FAM76A: variants seen among roughly 807,000 people sequenced by gnomAD.
FAM76A encodes the protein protein FAM76A.
Under a neutral mutation model 46.2 loss-of-function variants are expected in FAM76A, and 32 were observed. The observed-to-expected ratio is 0.69, with a 90% CI of 0.52 to 0.93. The LOEUF (loss-of-function observed/expected upper bound fraction) is 0.93. Ranked by LOEUF, FAM76A falls within the 40% of genes least tolerant of loss-of-function variation. FAM76A has a pLI of 0.00. For missense variants in FAM76A, 274 were observed against 361.5 expected (o/e 0.76, Z 1.96); for synonymous variants, 137 against 127.0 (o/e 1.08, Z -0.53).
intron 8 of FAM76A, 114 bp downstream of exon 8, chr1:27,759,741 C>A: frequency 1.9e-5 from 13 of 679,956 alleles, no homozygotes; most frequent in African/African-American, 6.0e-5. Flanking sequence ...AAAGTATTAA[C>A]AAATCATGTT....
intron 4 of FAM76A, among the ~76,000 whole-genome samples, chr1:27,741,192 G>T (rs1040238119): frequency 1.2e-4 from 16 of 130,698 alleles, no homozygotes; most frequent in East Asian, 7.2e-4. Context: ...TGGGAGATTT[G>T]ATTTTTTTTT....
intron 2 of FAM76A, among the ~76,000 whole-genome samples, chr1:27,731,115 A>C (rs751908376): frequency 6.6e-6 from 1 of 151,482 alleles, no homozygotes; most frequent in Non-Finnish European, 1.5e-5. Flanking sequence ...TAATTCACAC[A>C]TTTAGGTAAT....
At chr1:27,743,706 A>G (rs1441007615) in intron 4 of FAM76A, among the ~76,000 whole-genome samples, 2 of 152,092 alleles carry the variant, frequency 1.3e-5, no homozygotes, top group Non-Finnish European at 2.9e-5. Context: ...TGGAGGTTGC[A>G]GTGAGCTGAG....
intron 2 of FAM76A, chr1:27,730,180 TC>T: frequency 4.9e-6 from 1 of 205,872 alleles, no homozygotes; most frequent in Admixed American, 5.9e-5. Flanking sequence ...CTTTTTCTTT[TC>T]TTTTTTTTTT....
rs910745541 is a variant in FAM76A, at chr1:27,725,968, C to T, written c.-113C>T. 8 of 815,030 alleles carry T rather than the reference C, an allele frequency of 9.8e-6. No individual in the cohort carries two copies. The highest frequency in any genetic ancestry group is 4.5e-5 in the Admixed American group (1 of 22,094). The allele number at this position is 815,030 out of a possible 1,614,324, so 50.5% of individuals were successfully genotyped here. On this transcript the variant is annotated 5_prime_UTR_variant, in exon 1 of 9. Transcript: ENST00000373954. ...CCGGGTCCGCCCCGACCCGCCTGCG[C>T]CCGCCCGCCTGCCGCAGCCAGCAGC... is the stretch of plus-strand genomic sequence containing the variant.
Position 27,734,075 on chromosome 1 carries a change from G to T in FAM76A, c.246G>T (p.Gly82=). Residue 82 remains glycine, a synonymous_variant, in exon 4 of 9, where the codon GGG becomes GGT. Coordinates refer to ENST00000373954, the MANE Select transcript of FAM76A (RefSeq NM_152660.3). Reference sequence around the variant, plus strand: ...GCAACATAATTGCAGCATTTATTGGGAATAAATGCCAGCGCTGCACAAATT... The same window carrying T: ...GCAACATAATTGCAGCATTTATTGGTAATAAATGCCAGCGCTGCACAAATT... ...QYCNIIAAFI[G]NKCQRCTNSE... 1 of 1,612,136 alleles carries T rather than the reference G, an allele frequency of 6.2e-7. No individual in the cohort carries two copies. Among genetic ancestry groups the T allele is most frequent in the Non-Finnish European group, 8.5e-7 (1 of 1,179,478 alleles).
At chr1:27,759,779 G>GGTTTTTTTTTTT in intron 8 of FAM76A, 152 bp downstream of exon 8, 2 of 359,618 alleles carry the variant, frequency 5.6e-6, no homozygotes, top group Admixed American at 5.3e-5. Flanking sequence ...TTTTTTTTTT[G>GGTTTTTTTTTTT]TTTTTTTTTT....
chr1:27,760,860 C>CTTT lies in FAM76A; in HGVS notation c.*286_*288dup, dbSNP rs1334464233. 1 of 41,118 alleles carries CTTT rather than the reference C, an allele frequency of 2.4e-5. No homozygotes were observed. Among genetic ancestry groups the CTTT allele is most frequent in the Non-Finnish European group, 5.5e-5 (1 of 18,330 alleles). The allele number at this position is 41,118 out of a possible 1,614,324, so 2.5% of individuals were successfully genotyped here. A position where few individuals can be genotyped will look rare whatever the true frequency, so the allele number is the denominator to read the frequency against. On this transcript the variant is annotated 3_prime_UTR_variant, in exon 9 of 9. Coordinates refer to ENST00000373954, the MANE Select transcript of FAM76A (RefSeq NM_152660.3). ...CTCTTCTCTCTATTTTGGTTCTATT[C>CTTT]TTTTTTTTTCTTTTTTCTTTTTTTT...
chr1:27,728,807 C>CA (rs1460730842), intron 2 of FAM76A, among the ~76,000 whole-genome samples: 1 of 151,254 alleles, frequency 6.6e-6, no homozygotes, highest in Non-Finnish European at 1.5e-5. Flanking sequence ...ACTAAAAATA[C>CA]AAAAAAATTA....
At position 27,760,789 on chromosome 1, in the gene FAM76A, G is replaced by T; in HGVS notation, c.*208G>T. 1 of 268,186 alleles carries T rather than the reference G, an allele frequency of 3.7e-6. No homozygotes were observed. The highest frequency in any genetic ancestry group is 5.3e-5 in the Admixed American group (1 of 18,942). 16.6% of individuals were successfully genotyped at this position (268,186 alleles called of 1,614,324 possible). The stretch of plus-strand genomic sequence containing the variant: ...CATGCTTGAGTGTTTGGGATTTCAA[G>T]CTCGCTCTCTTTCTCTCACTATTAG... On this transcript the variant is annotated 3_prime_UTR_variant, in exon 9 of 9. Coordinates refer to ENST00000373954, the MANE Select transcript of FAM76A (RefSeq NM_152660.3).
At chr1:27,727,800 A>ATTTTTTT (rs10716346) in intron 2 of FAM76A, among the ~76,000 whole-genome samples, 3 of 64,532 alleles carry the variant, frequency 4.6e-5, no homozygotes, top group Non-Finnish European at 6.0e-5. Context: ...GATTGCTTAA[A>ATTTTTTT]TTTTTTTTTT....
intron 4 of FAM76A, among the ~76,000 whole-genome samples, chr1:27,741,426 C>CTGGGATT (rs1557779985): frequency 6.6e-6 from 1 of 151,994 alleles, no homozygotes; most frequent in East Asian, 1.9e-4. Context: ...TTCCAAAGTG[C>CTGGGATT]TGGGATTACA....
chr1:27,732,772 A>G lies in FAM76A; in HGVS notation c.201+115A>G, dbSNP rs551619523. On this transcript the variant is annotated intron_variant, in intron 3 of 8. Transcript: ENST00000373954. ...TTATTAGAATAAATGGTTATGTGTAATATATCTGATACTGATTTCAGCTTT... is the reference window on the plus strand; with the variant it reads ...TTATTAGAATAAATGGTTATGTGTAGTATATCTGATACTGATTTCAGCTTT... The G allele has an allele frequency of 4.5e-5, 31 of 687,630 alleles. No individual in the cohort carries two copies. The African/African-American group carries it at 4.8e-4, about 11-fold the overall frequency. 42.6% of individuals were successfully genotyped at this position (687,630 alleles called of 1,614,324 possible).
At chr1:27,752,952 G>A (rs969761034) in intron 6 of FAM76A, among the ~76,000 whole-genome samples, 2 of 152,146 alleles carry the variant, frequency 1.3e-5, no homozygotes, top group Non-Finnish European at 1.5e-5. Context: ...CTGAGGTCGG[G>A]AGTTCGAGAC....
chr1:27,752,758 T>C (rs2148584546), intron 6 of FAM76A, among the ~76,000 whole-genome samples: 1 of 152,302 alleles, frequency 6.6e-6, no homozygotes, highest in South Asian at 2.1e-4. Flanking sequence ...TCTGGAGAAG[T>C]AGTAGTTCCC....
intron 5 of FAM76A, among the ~76,000 whole-genome samples, chr1:27,745,501 A>C (rs996126296): frequency 6.6e-6 from 1 of 152,166 alleles, no homozygotes; most frequent in Admixed American, 6.5e-5. Flanking sequence ...TTAATCAGCA[A>C]GCATTAAGTA....
chr1:27,759,668 C>CAGGTAGGTACACAATT, intron 8 of FAM76A, 41 bp downstream of exon 8: 3 of 1,357,750 alleles, frequency 2.2e-6, no homozygotes, highest in Non-Finnish European at 3.1e-6. Context: ...AATTGTGTAC[C>CAGGTAGGTACACAATT]TACCTGGTAT....
At chr1:27,726,337 C>T (rs1048513284) in intron 1 of FAM76A, among the ~76,000 whole-genome samples, 176 bp downstream of exon 1, 1 of 151,964 alleles carries the variant, frequency 6.6e-6, no homozygotes, top group Non-Finnish European at 1.5e-5. Flanking sequence ...GAGCCGGGAC[C>T]CGGTCCAGGC....
At chr1:27,750,064 G>A (rs1571493147) in intron 6 of FAM76A, among the ~76,000 whole-genome samples, 1 of 152,140 alleles carries the variant, frequency 6.6e-6, no homozygotes, top group East Asian at 1.9e-4. Flanking sequence ...CTCCAGGCCT[G>A]GGCATCCTGA....
Sources: allele counts gnomAD v4.1 joint callset (sites outside exome capture counted in the v4.1 genomes callset), GRCh38; gene constraint gnomAD v4.1.1; transcripts MANE v1.5; gene names NCBI Gene and HGNC (gene_info 2026-07-23, HGNC 2026-07-21).